The following CYB5R2 variants were observed in gnomAD, a reference collection of about 807,000 sequenced individuals.
CYB5R2 encodes cytochrome b5 reductase 2, also known as NADH-cytochrome b5 reductase 2.
Under a neutral mutation model 29.8 loss-of-function variants are expected in CYB5R2, and 35 were observed. That is an observed-to-expected ratio of 1.17 (90% CI 0.90 to 1.56). The LOEUF (loss-of-function observed/expected upper bound fraction) is 1.56. CYB5R2 is among the 40% of genes most tolerant of loss of function. The probability of loss-of-function intolerance (pLI) is 0.00; values close to 1 mark genes in which losing one functional copy is unlikely to be tolerated. For missense variants in CYB5R2, 419 were observed against 346.7 expected (o/e 1.21, Z -1.66); for synonymous variants, 169 against 130.6 (o/e 1.29, Z -2.01).
At position 7,665,105 on chromosome 11, in the gene CYB5R2, GCTTTGTA is replaced by G; in HGVS notation, c.*262_*268del. 1 of 300,002 alleles carries G rather than the reference GCTTTGTA, an allele frequency of 3.3e-6. No individual in the cohort carries two copies. The highest frequency in any genetic ancestry group is 6.2e-6 in the Non-Finnish European group (1 of 161,508). The allele number at this position is 300,002 out of a possible 1,614,324, so 18.6% of individuals were successfully genotyped here. A position where few individuals can be genotyped will look rare whatever the true frequency, so the allele number is the denominator to read the frequency against. ...CAGAGCCACACTTCATGGGCTGTCTGCTTTGTACTTGAGTTTATTTCACAAAACCACG... is the reference window on the plus strand; with the variant it reads ...CAGAGCCACACTTCATGGGCTGTCTGCTTGAGTTTATTTCACAAAACCACG... On this transcript the variant is annotated 3_prime_UTR_variant, in exon 9 of 9. Coordinates refer to ENST00000299498, the MANE Select transcript of CYB5R2 (RefSeq NM_016229.5).
At chr11:7,669,491 T>A in intron 4 of CYB5R2, 134 bp downstream of exon 4, 1 of 1,217,974 alleles carries the variant, frequency 8.2e-7, no homozygotes. Context: ...GCCACAAGGT[T>A]AACTGTAGCT....
At chr11:7,672,194 G>C (rs1490684846) in intron 3 of CYB5R2, 3 of 449,578 alleles carry the variant, frequency 6.7e-6, no homozygotes, top group South Asian at 4.5e-5. Flanking sequence ...GAGATTTTAG[G>C]CCTTTTGGCT....
chr11:7,673,358 C>T, intron 1 of CYB5R2, 61 bp downstream of exon 1: 1 of 1,008,156 alleles, frequency 9.9e-7, no homozygotes, highest in Non-Finnish European at 1.2e-6. Flanking sequence ...CTGGACAGGG[C>T]GAAGGGGGCC....
chr11:7,666,008 G>T, intron 8 of CYB5R2: 1 of 1,154,892 alleles, frequency 8.7e-7, no homozygotes, highest in South Asian at 1.3e-5. Context: ...TGTGCACAGT[G>T]GTTGCTGGGA....
chr11:7,669,136 C>G (rs7131416), intron 5 of CYB5R2, 69 bp downstream of exon 5: 133 of 1,590,856 alleles, frequency 8.4e-5, no homozygotes, highest in African/African-American at 1.2e-4. Context: ...GAGGAGTGTA[C>G]GAGAACAATG....
chr11:7,670,127 G>C, intron 3 of CYB5R2: 1 of 193,042 alleles, frequency 5.2e-6, no homozygotes, highest in Non-Finnish European at 1.1e-5. Context: ...GAGGCGGGTG[G>C]ATTGCTTGAG....
intron 7 of CYB5R2, 198 bp downstream of exon 7, chr11:7,667,530 C>T: frequency 1.8e-6 from 1 of 558,496 alleles, no homozygotes; most frequent in Non-Finnish European, 3.2e-6. Flanking sequence ...TGAGGAGACA[C>T]AAAAGAGTTA....
intron 8 of CYB5R2, chr11:7,666,106 G>T (rs1855175733): frequency 1.6e-6 from 1 of 628,696 alleles, no homozygotes; most frequent in African/African-American, 1.8e-5. Context: ...AAGCAGAAGG[G>T]TGAGTGGTGA....
chr11:7,666,347 C>A, intron 8 of CYB5R2, 104 bp downstream of exon 8: 1 of 743,896 alleles, frequency 1.3e-6, no homozygotes. Context: ...ACCCCCACAT[C>A]TGGTCCTACA....
chr11:7,668,903 T>G lies in CYB5R2; in HGVS notation c.388+302A>C, dbSNP rs1475944469. On this transcript the variant is annotated intron_variant, in intron 5 of 8. Coordinates refer to ENST00000299498, the MANE Select transcript of CYB5R2 (RefSeq NM_016229.5). ...TGGCTATGTGAGTAACCAAGGAGCA[T>G]GGACTCCCTCCATCCATTTTTCAGT... is the stretch of plus-strand genomic sequence containing the variant. 8.5e-6 allele frequency: 5 copies of G among 586,348 alleles called. No individual in the cohort carries two copies. The Admixed American group carries it at 1.3e-4, about 15-fold the overall frequency. The allele number at this position is 586,348 out of a possible 1,614,324, so 36.3% of individuals were successfully genotyped here.
intron 7 of CYB5R2, 53 bp downstream of exon 7, chr11:7,667,674 AG>A: frequency 6.8e-7 from 1 of 1,479,434 alleles, no homozygotes; most frequent in Non-Finnish European, 9.5e-7. Context: ...TGAAAACAAG[AG>A]CCCAGCTCAG....
chr11:7,669,536 C>A, intron 4 of CYB5R2, 89 bp downstream of exon 4: 1 of 1,245,712 alleles, frequency 8.0e-7, no homozygotes, highest in East Asian at 2.3e-5. Context: ...GGCATATGTG[C>A]CCTCAGAGAA....
chr11:7,669,213 T>C lies in CYB5R2; in HGVS notation c.380A>G (p.His127Arg), dbSNP rs1454592109. ...ATTAACCCCTCCAGTACCTGGCCCA[T>C]GGTAAAACAAGCGTCCCCTTGGCCC... Reference protein sequence around the residue: ...FRGPRGRLFYHGPGNLGIRPD... With the variant: ...FRGPRGRLFYRGPGNLGIRPD... The change falls in exon 5 of 9, where the codon CAT becomes CGT. Residue 127 changes from histidine to arginine, a missense_variant. Coordinates refer to ENST00000299498, the MANE Select transcript of CYB5R2 (RefSeq NM_016229.5). 1.2e-6 allele frequency: 2 copies of C among 1,614,074 alleles called. No homozygotes were observed. Among genetic ancestry groups the C allele is most frequent in the Admixed American group, 1.7e-5 (1 of 60,020 alleles).
intron 5 of CYB5R2, 177 bp downstream of exon 5, chr11:7,669,028 C>T (rs774475677): frequency 1.3e-6 from 1 of 798,540 alleles, no homozygotes; most frequent in Non-Finnish European, 2.1e-6. Flanking sequence ...AAGCTGACAA[C>T]CTCATGAAGT....
intron 7 of CYB5R2, chr11:7,667,461 A>G: frequency 3.1e-6 from 1 of 318,314 alleles, no homozygotes; most frequent in Non-Finnish European, 5.7e-6. Flanking sequence ...TTTTACACTT[A>G]GCAAAAATAC....
chr11:7,665,325 C>T lies in CYB5R2; in HGVS notation c.*49G>A, dbSNP rs1289930292. On this transcript the variant is annotated 3_prime_UTR_variant, in exon 9 of 9. Coordinates refer to ENST00000299498, the MANE Select transcript of CYB5R2 (RefSeq NM_016229.5). ...TTACCGTGGTGAAATTGAACTTACT[C>T]TGAAACAGATGAAAAGGGACATGCA... The T allele has an allele frequency of 7.0e-7, 1 of 1,425,770 alleles. No individual in the cohort carries two copies. The highest frequency in any genetic ancestry group is 9.4e-7 in the Non-Finnish European group (1 of 1,068,280). 88.3% of individuals were successfully genotyped at this position (1,425,770 alleles called of 1,614,324 possible). A position where few individuals can be genotyped will look rare whatever the true frequency, so the allele number is the denominator to read the frequency against.
upstream of CYB5R2, chr11:7,674,062 C>A: frequency 8.4e-7 from 1 of 1,191,976 alleles, no homozygotes; most frequent in Non-Finnish European, 1.1e-6. Flanking sequence ...TGCATCCTGG[C>A]CCCTTCCCTG....
chr11:7,666,073 G>C (rs1445630358), intron 8 of CYB5R2: 16 of 676,454 alleles, frequency 2.4e-5, no homozygotes, highest in Non-Finnish European at 3.9e-5. Context: ...GGTGAGGTGG[G>C]CGGTAAGGGG....
chr11:7,666,770 G>T, intron 7 of CYB5R2: 1 of 437,886 alleles, frequency 2.3e-6, no homozygotes, highest in Non-Finnish European at 4.2e-6. Flanking sequence ...GAACCTCCAT[G>T]GGATGTAGGT....
Sources: allele counts gnomAD v4.1 joint callset, GRCh38; gene constraint gnomAD v4.1.1; transcripts MANE v1.5; gene names NCBI Gene and HGNC (gene_info 2026-07-23, HGNC 2026-07-21).